The following FSTL4 variants were observed in gnomAD, a reference collection of about 807,000 sequenced individuals.
The protein encoded by FSTL4 is follistatin-related protein 4.
FSTL4 carries 28 observed loss-of-function variants against 78.2 expected under a neutral mutation model. The observed-to-expected ratio is 0.36, with a 90% CI of 0.27 to 0.49. The LOEUF (loss-of-function observed/expected upper bound fraction) is 0.49. Among genes scored for constraint, FSTL4 ranks in the 20% least tolerant of loss-of-function variants. The pLI, the probability that FSTL4 is intolerant of heterozygous loss-of-function variation, is 0.98. For synonymous variants in FSTL4, 422 were observed against 440.5 expected, an observed-to-expected ratio of 0.96 and a Z score of 0.53; for missense variants, 922 against 1,084.9, an observed-to-expected ratio of 0.85 and a Z score of 2.11.
the FSTL4 span, among the ~76,000 whole-genome samples, chr5:133,741,979 A>T: frequency 4.6e-5 from 7 of 152,226 alleles, no homozygotes; most frequent in African/African-American, 1.7e-4. Context: ...CCCAGGACAA[A>T]CAGCCCTCCA....
At chr5:133,696,162 G>A in the FSTL4 span, among the ~76,000 whole-genome samples, 6,279 of 152,292 alleles carry the variant, frequency 0.041, 155 homozygotes, top group Non-Finnish European at 0.057. Context: ...CAGGGAGAAC[G>A]CAGGGCTGCC....
intron 4 of FSTL4, among the ~76,000 whole-genome samples, chr5:133,335,005 A>G (rs1330707792): frequency 6.6e-6 from 1 of 152,180 alleles, no homozygotes; most frequent in Non-Finnish European, 1.5e-5. Context: ...AGAGGTATCT[A>G]AAGGAGGCTT....
the FSTL4 span, among the ~76,000 whole-genome samples, chr5:133,719,321 A>G: frequency 6.6e-6 from 1 of 152,186 alleles, no homozygotes; most frequent in South Asian, 2.1e-4. Context: ...ATATATAGAA[A>G]AATAAATCTT....
chr5:133,719,931 T>A, the FSTL4 span, among the ~76,000 whole-genome samples: 1 of 152,192 alleles, frequency 6.6e-6, no homozygotes, highest in Non-Finnish European at 1.5e-5. Flanking sequence ...TTCCTAGAGT[T>A]GCCACTTCAC....
intron 3 of FSTL4, among the ~76,000 whole-genome samples, chr5:133,405,578 G>A (rs909523205): frequency 3.3e-5 from 5 of 152,246 alleles, no homozygotes; most frequent in Non-Finnish European, 7.3e-5. Context: ...CTTTGCCTGC[G>A]GAAGAGCCAT....
At chr5:133,397,074 C>G (rs1756075633) in intron 4 of FSTL4, among the ~76,000 whole-genome samples, 2 of 152,162 alleles carry the variant, frequency 1.3e-5, no homozygotes, top group South Asian at 2.1e-4. Flanking sequence ...TATAATACAA[C>G]GCTGGCTTGG....
the FSTL4 span, among the ~76,000 whole-genome samples, chr5:133,793,429 T>C: frequency 0.086 from 13,158 of 152,308 alleles, 647 homozygotes; most frequent in East Asian, 0.18. Flanking sequence ...CACCAACTCA[T>C]TTGAGCCTTT....
At chr5:133,675,562 C>T in the FSTL4 span, among the ~76,000 whole-genome samples, 60 of 152,204 alleles carry the variant, frequency 3.9e-4, no homozygotes, top group Non-Finnish European at 1.0e-4. Flanking sequence ...GCTGTGTCAA[C>T]GTTAGTGCTG....
intron 2 of FSTL4, among the ~76,000 whole-genome samples, chr5:133,600,418 TA>T (rs974832508): frequency 4.8e-5 from 5 of 104,104 alleles, no homozygotes; most frequent in South Asian, 7.0e-4. Flanking sequence ...CTGTGTAGGA[TA>T]AAGGGGGGGG....
intron 6 of FSTL4, among the ~76,000 whole-genome samples, chr5:133,303,260 C>A (rs1343717402): frequency 2.0e-5 from 3 of 152,158 alleles, no homozygotes; most frequent in Admixed American, 2.0e-4. Context: ...TGCTCCTTAG[C>A]CTTTGGGGCT....
At chr5:133,485,488 T>TG (rs1266975266) in intron 3 of FSTL4, among the ~76,000 whole-genome samples, 2 of 152,248 alleles carry the variant, frequency 1.3e-5, no homozygotes, top group African/African-American at 4.8e-5. Context: ...TTTCAGTACA[T>TG]GCAGCAACTC....
At chr5:133,241,022 T>A (rs1331575032) in intron 7 of FSTL4, among the ~76,000 whole-genome samples, 1 of 152,148 alleles carries the variant, frequency 6.6e-6, no homozygotes, top group African/African-American at 2.4e-5. Context: ...TGGGCAGTAT[T>A]TGAATGAGCT....
the FSTL4 span, among the ~76,000 whole-genome samples, chr5:133,702,526 C>T: frequency 3.9e-5 from 6 of 152,092 alleles, no homozygotes; most frequent in South Asian, 1.2e-3. Flanking sequence ...TGTTGGGGAG[C>T]AAGAGGGGTG....
At chr5:133,762,481 T>G in the FSTL4 span, among the ~76,000 whole-genome samples, 1 of 152,200 alleles carries the variant, frequency 6.6e-6, no homozygotes, top group African/African-American at 2.4e-5. Flanking sequence ...AGAGGATCCT[T>G]AGAAACTAAC....
chr5:133,246,422 G>C (rs1165106919), intron 7 of FSTL4: 2 of 152,266 alleles, frequency 1.3e-5, no homozygotes, highest in Non-Finnish European at 2.9e-5. Context: ...CGTCCCAAGT[G>C]GGCCTACTGC....
chr5:133,224,866 C>A (rs1000026893), intron 10 of FSTL4, among the ~76,000 whole-genome samples: 3 of 152,178 alleles, frequency 2.0e-5, no homozygotes, highest in Admixed American at 6.5e-5. Context: ...AAGTAAAAAG[C>A]AGAGCTGGGA....
At chr5:133,701,465 A>G in the FSTL4 span, among the ~76,000 whole-genome samples, 2 of 105,952 alleles carry the variant, frequency 1.9e-5, no homozygotes, top group African/African-American at 4.0e-5. Context: ...AGAAAGACAC[A>G]GAAACACACA....
intron 3 of FSTL4, among the ~76,000 whole-genome samples, chr5:133,468,603 C>T (rs1040143465): frequency 6.6e-6 from 1 of 152,186 alleles, no homozygotes; most frequent in Admixed American, 6.5e-5. Flanking sequence ...GCCATGTCAG[C>T]ATTGTATCAG....
the FSTL4 span, among the ~76,000 whole-genome samples, chr5:133,728,656 T>G: frequency 6.2e-4 from 94 of 151,550 alleles, no homozygotes; most frequent in Non-Finnish European, 1.1e-3. Context: ...TAGTCCTCAA[T>G]GTGGTACATT....
Sources: allele counts gnomAD v4.1 joint callset (sites outside exome capture counted in the v4.1 genomes callset), GRCh38; gene constraint gnomAD v4.1.1; transcripts MANE v1.5; gene names NCBI Gene and HGNC (gene_info 2026-07-23, HGNC 2026-07-21).